Variants in KCNMA1 observed in about 807,000 individuals in gnomAD.
KCNMA1 encodes the protein potassium calcium-activated channel subfamily M alpha 1, also known as Calcium-activated potassium channel subunit alpha-1.
KCNMA1 carries 29 observed loss-of-function variants against 140.0 expected under a neutral mutation model. The ratio of observed to expected loss-of-function variants is 0.21; its 90% confidence interval spans 0.15 to 0.28. KCNMA1 has a LOEUF of 0.28. Ranked by LOEUF, KCNMA1 falls within the 10% of genes least tolerant of loss-of-function variation. The pLI is 1.00. For synonymous variants in KCNMA1, 612 were observed against 611.9 expected (o/e 1.00, Z 0.00); for missense variants, 880 against 1,602.2 (o/e 0.55, Z 7.70).
intron 16 of KCNMA1, 28 bp from the exon 17 acceptor site, chr10:77,019,127 A>C: frequency 1.6e-6 from 2 of 1,214,356 alleles, no homozygotes; most frequent in Non-Finnish European, 2.4e-6. Flanking sequence ...ACAAACAGAG[A>C]AGATACATTT....
chr10:77,228,419 T>C (rs2052330245), intron 3 of KCNMA1, among the ~76,000 whole-genome samples: 1 of 152,110 alleles, frequency 6.6e-6, no homozygotes, highest in African/African-American at 2.4e-5. Flanking sequence ...GAGCACTCAC[T>C]ATACATGATC....
chr10:77,475,073 C>T (rs1284813162), intron 1 of KCNMA1, among the ~76,000 whole-genome samples: 1 of 152,170 alleles, frequency 6.6e-6, no homozygotes, highest in African/African-American at 2.4e-5. Flanking sequence ...GAGCTAGGAG[C>T]TTTCGTTCCT....
chr10:77,089,516 A>C (rs1443358912), intron 10 of KCNMA1, among the ~76,000 whole-genome samples: 1 of 152,160 alleles, frequency 6.6e-6, no homozygotes, highest in Non-Finnish European at 1.5e-5. Context: ...GTCAAAGTTG[A>C]AAACCTCAAC....
chr10:77,327,954 C>T (rs536927540), intron 2 of KCNMA1, among the ~76,000 whole-genome samples: 3 of 152,122 alleles, frequency 2.0e-5, no homozygotes, highest in African/African-American at 7.2e-5. Flanking sequence ...TCACAAAGCA[C>T]ACAAATAGGC....
chr10:77,534,117 C>A (rs996667843), intron 1 of KCNMA1, among the ~76,000 whole-genome samples: 2 of 152,198 alleles, frequency 1.3e-5, no homozygotes, highest in Non-Finnish European at 2.9e-5. Flanking sequence ...TTCTCCCTAG[C>A]CTGGCAAACA....
rs1015816310 is a variant in KCNMA1 at position 77,250,762 on chromosome 10, G to A, written c.602+433C>T. On this transcript the variant is annotated intron_variant, in intron 3 of 27. Coordinates refer to ENST00000286628, the MANE Select transcript of KCNMA1 (RefSeq NM_001161352.2). ...ATCATGCTTTCTAATCTGACCTCCA[G>A]TAAGATCAAAGCATTGGAAACCCAA... 9.4e-5 allele frequency: 20 copies of A among 213,672 alleles called. 1 individual carries two copies. In the South Asian group the frequency reaches 1.5e-3, roughly 16 times the overall value. The allele number at this position is 213,672 out of a possible 1,614,324, so 13.2% of individuals were successfully genotyped here.
intron 2 of KCNMA1, among the ~76,000 whole-genome samples, chr10:77,363,205 A>G (rs2094121452): frequency 6.6e-6 from 1 of 152,104 alleles, no homozygotes; most frequent in South Asian, 2.1e-4. Context: ...TCCTCTTCCA[A>G]TCAATAGTGG....
intron 1 of KCNMA1, chr10:77,493,906 A>G (rs1469619806): frequency 6.6e-6 from 1 of 151,996 alleles, no homozygotes; most frequent in Non-Finnish European, 1.5e-5. Flanking sequence ...CAATCACTCC[A>G]CCCTGGAGTC....
chr10:77,013,241 C>A (rs941833083), intron 17 of KCNMA1, among the ~76,000 whole-genome samples: 1 of 152,110 alleles, frequency 6.6e-6, no homozygotes, highest in Non-Finnish European at 1.5e-5. Flanking sequence ...GGAGATCCTG[C>A]AGCCTAAATC....
At chr10:76,993,765 C>T (rs2083432404) in intron 19 of KCNMA1, among the ~76,000 whole-genome samples, 1 of 152,232 alleles carries the variant, frequency 6.6e-6, no homozygotes, top group Non-Finnish European at 1.5e-5. Context: ...TGTCTAAAGA[C>T]TTTCTATCAT....
At chr10:76,900,903 A>AAAAC (rs986117816) in intron 25 of KCNMA1, among the ~76,000 whole-genome samples, 1 of 151,948 alleles carries the variant, frequency 6.6e-6, no homozygotes, top group African/African-American at 2.4e-5. Context: ...TGTTAAAAAA[A>AAAAC]AAAAAAACCC....
At chr10:76,942,678 T>A (rs531597143) in intron 23 of KCNMA1, among the ~76,000 whole-genome samples, 1 of 152,306 alleles carries the variant, frequency 6.6e-6, no homozygotes, top group Admixed American at 6.5e-5. Context: ...ATCAGATGTG[T>A]ATGTAACTAA....
intron 1 of KCNMA1, among the ~76,000 whole-genome samples, chr10:77,465,612 T>A (rs937690202): frequency 1.3e-5 from 2 of 150,766 alleles, no homozygotes; most frequent in Admixed American, 6.6e-5. Context: ...ATCAAGAGGA[T>A]TGAATAAGGT....
At chr10:77,007,673 ATATG>A (rs1555100721) in intron 18 of KCNMA1, among the ~76,000 whole-genome samples, 5 of 142,488 alleles carry the variant, frequency 3.5e-5, no homozygotes, top group Admixed American at 7.0e-5. Flanking sequence ...ATATATATAT[ATATG>A]TATCACAACA....
chr10:77,368,100 T>G (rs1036116053), intron 2 of KCNMA1, among the ~76,000 whole-genome samples: 4 of 152,248 alleles, frequency 2.6e-5, no homozygotes, highest in Non-Finnish European at 5.9e-5. Flanking sequence ...TATGCTTAAT[T>G]TTATAAGAAA....
At chr10:77,080,700 C>T (rs879329477) in intron 12 of KCNMA1, among the ~76,000 whole-genome samples, 13 of 152,084 alleles carry the variant, frequency 8.5e-5, no homozygotes, top group Non-Finnish European at 1.8e-4. Context: ...TTATTGCCTA[C>T]GTAGACATCG....
chr10:77,056,962 G>A (rs1255380320), intron 14 of KCNMA1, among the ~76,000 whole-genome samples: 1 of 152,022 alleles, frequency 6.6e-6, no homozygotes, highest in Admixed American at 6.6e-5. Context: ...TGCATCATAG[G>A]AATCCTAGAA....
intron 3 of KCNMA1, among the ~76,000 whole-genome samples, chr10:77,218,361 A>G (rs1489031129): frequency 3.9e-5 from 6 of 152,194 alleles, no homozygotes; most frequent in Admixed American, 3.9e-4. Flanking sequence ...CATTTCTTAA[A>G]ATGGATTTGC....
chr10:77,090,745 A>G, intron 9 of KCNMA1: 1 of 576,004 alleles, frequency 1.7e-6, no homozygotes, highest in South Asian at 2.1e-5. Context: ...GATGCTGCAC[A>G]AAATCCTATT....
Sources: gnomAD v4.1 joint callset for allele counts (sites outside exome capture counted in the v4.1 genomes callset) on GRCh38, gnomAD v4.1.1 for gene constraint, MANE v1.5 for transcripts, NCBI Gene and HGNC (gene_info 2026-07-23, HGNC 2026-07-21) for gene names.